Variants in SEMA3D observed in about 807,000 individuals in gnomAD.
SEMA3D encodes semaphorin-3D.
In SEMA3D, 84 loss-of-function variants were observed where a neutral mutation model predicts 100.1. The observed-to-expected ratio is 0.84, with a 90% CI of 0.70 to 1.01. The LOEUF is 1.01. Ranked by LOEUF, SEMA3D falls within the 50% of genes least tolerant of loss-of-function variation. The pLI is 0.00. For missense variants in SEMA3D, 875 were observed against 934.1 expected, an observed-to-expected ratio of 0.94 and a Z score of 0.82; for synonymous variants, 312 against 320.7, an observed-to-expected ratio of 0.97 and a Z score of 0.29.
intron 2 of SEMA3D, among the ~76,000 whole-genome samples, chr7:85,148,750 G>C (rs545014242): frequency 2.8e-4 from 42 of 151,908 alleles, no homozygotes; most frequent in African/African-American, 9.9e-4. Flanking sequence ...TAAATCAGTC[G>C]CGGTAACATC....
intron 4 of SEMA3D, among the ~76,000 whole-genome samples, chr7:85,082,758 C>T (rs1429023287): frequency 1.3e-5 from 2 of 152,094 alleles, no homozygotes. Context: ...GTATAGCATT[C>T]AAAATAGACA....
chr7:85,046,302 A>C (rs1401056027), intron 9 of SEMA3D, among the ~76,000 whole-genome samples: 1 of 151,966 alleles, frequency 6.6e-6, no homozygotes, highest in Non-Finnish European at 1.5e-5. Flanking sequence ...CTGATATTTA[A>C]GGTAACCATG....
intron 2 of SEMA3D, among the ~76,000 whole-genome samples, chr7:85,152,622 AAT>A (rs1413283204): frequency 6.6e-6 from 1 of 152,174 alleles, no homozygotes; most frequent in Non-Finnish European, 1.5e-5. Context: ...AACTAAAAAT[AAT>A]AGAGCATTGC....
At chr7:85,237,222 C>A in the SEMA3D span, among the ~76,000 whole-genome samples, 1 of 152,282 alleles carries the variant, frequency 6.6e-6, no homozygotes, top group South Asian at 2.1e-4. Context: ...ACACCACAAC[C>A]TTCCTCACTA....
chr7:85,069,420 T>C (rs1172128865), intron 6 of SEMA3D, among the ~76,000 whole-genome samples: 1 of 152,146 alleles, frequency 6.6e-6, no homozygotes, highest in East Asian at 1.9e-4. Context: ...CAAATAATAA[T>C]GGTACCTTTA....
intron 3 of SEMA3D, among the ~76,000 whole-genome samples, chr7:85,108,952 T>G (rs911504480): frequency 7.3e-5 from 11 of 151,656 alleles, no homozygotes; most frequent in African/African-American, 2.7e-4. Flanking sequence ...AAAAAAAAGG[T>G]GTCAAGATGA....
intron 5 of SEMA3D, among the ~76,000 whole-genome samples, chr7:85,080,174 T>C (rs1051359779): frequency 2.6e-5 from 4 of 152,216 alleles, no homozygotes; most frequent in South Asian, 2.1e-4. Context: ...ATTTCAACTA[T>C]TTTGCTTTGT....
intron 9 of SEMA3D, among the ~76,000 whole-genome samples, chr7:85,044,533 C>T (rs1790953935): frequency 6.6e-6 from 1 of 152,034 alleles, no homozygotes; most frequent in African/African-American, 2.4e-5. Flanking sequence ...TAGAATATTT[C>T]ATGTAAGAAC....
chr7:85,020,982 G>A (rs888131266), intron 13 of SEMA3D, among the ~76,000 whole-genome samples: 2 of 151,116 alleles, frequency 1.3e-5, no homozygotes, highest in Non-Finnish European at 3.0e-5. Context: ...ATCTTACATT[G>A]AAATTAAATG....
At chr7:85,103,231 G>A (rs1373971331) in intron 3 of SEMA3D, among the ~76,000 whole-genome samples, 1 of 151,956 alleles carries the variant, frequency 6.6e-6, no homozygotes, top group East Asian at 1.9e-4. Flanking sequence ...TTTAGAGCCT[G>A]TATCTTAACA....
intron 3 of SEMA3D, among the ~76,000 whole-genome samples, chr7:85,103,897 C>A (rs754740191): frequency 2.8e-4 from 42 of 151,924 alleles, no homozygotes; most frequent in Non-Finnish European, 4.9e-4. Context: ...TACCAGTAAA[C>A]CACCATGGGA....
chr7:85,173,470 A>G (rs1196587965), intron 1 of SEMA3D, among the ~76,000 whole-genome samples: 1 of 152,060 alleles, frequency 6.6e-6, no homozygotes, highest in Non-Finnish European at 1.5e-5. Flanking sequence ...CCGTGCCAAA[A>G]CAGATGGGAT....
At chr7:85,114,192 A>T (rs1203323200) in intron 3 of SEMA3D, among the ~76,000 whole-genome samples, 1 of 152,172 alleles carries the variant, frequency 6.6e-6, no homozygotes, top group Non-Finnish European at 1.5e-5. Flanking sequence ...CCCCACCATA[A>T]CACAAAATTA....
intron 1 of SEMA3D, among the ~76,000 whole-genome samples, chr7:85,182,299 C>T (rs892531677): frequency 6.6e-6 from 1 of 152,110 alleles, no homozygotes; most frequent in Non-Finnish European, 1.5e-5. Context: ...CAGTCTCTCA[C>T]AATTTTTTAT....
At chr7:85,173,562 A>T (rs559081201) in intron 1 of SEMA3D, among the ~76,000 whole-genome samples, 1 of 152,260 alleles carries the variant, frequency 6.6e-6, no homozygotes, top group Admixed American at 6.5e-5. Flanking sequence ...AATGAAATGG[A>T]TGAAACTCAG....
chr7:85,081,470 T>C (rs928569300), intron 5 of SEMA3D, 47 bp downstream of exon 5: 2 of 1,217,180 alleles, frequency 1.6e-6, no homozygotes, highest in African/African-American at 1.5e-5. Flanking sequence ...TTTGCTATCA[T>C]ATCAGTAGAA....
At position 85,036,990 on chromosome 7, in the gene SEMA3D, C is replaced by T; in HGVS notation, c.1090G>A (p.Asp364Asn). ...GGACCATTAAAAACTGCTCTGATGT[C>T]AGCCATGCTATACACACAAACAGCA... Reference protein sequence around the residue: ...GSAVCVYSMADIRAVFNGPYA... With the variant: ...GSAVCVYSMANIRAVFNGPYA... The change falls in exon 12 of 19, where the codon GAC becomes AAC. Residue 364 changes from aspartate (D) to asparagine (N), a missense_variant. Transcript: ENST00000284136. 1.2e-6 allele frequency: 2 copies of T among 1,613,284 alleles called. No homozygotes were observed. Among genetic ancestry groups the T allele is most frequent in the South Asian group, 1.1e-5 (1 of 91,040 alleles).
chr7:85,073,014 G>A lies in SEMA3D; in HGVS notation c.443C>T (p.Thr148Ile). ...CCCACATATTGGATGAAATGCTCCA[G>A]TTCCACACACATATATGTGAGTTTT... ...YNKTHIYVCG[T>I]GAFHPICGYI... The change falls in exon 6 of 19, where the codon ACT becomes ATT. Residue 148 changes from threonine to isoleucine, a missense_variant. By Grantham distance (89) the Thr-to-Ile change is moderately conservative. Coordinates refer to ENST00000284136, the MANE Select transcript of SEMA3D (RefSeq NM_001384900.1). 1.2e-6 allele frequency: 2 copies of A among 1,610,696 alleles called. No homozygotes were observed. The highest frequency in any genetic ancestry group is 1.7e-6 in the Non-Finnish European group (2 of 1,177,246).
intron 1 of SEMA3D, among the ~76,000 whole-genome samples, chr7:85,183,086 G>A (rs1791446393): frequency 6.6e-6 from 1 of 152,114 alleles, no homozygotes; most frequent in Non-Finnish European, 1.5e-5. Flanking sequence ...CATTAAACTA[G>A]CACCAGTCAG....
Sources: allele counts gnomAD v4.1 joint callset (sites outside exome capture counted in the v4.1 genomes callset), GRCh38; gene constraint gnomAD v4.1.1; transcripts MANE v1.5; gene names NCBI Gene and HGNC (gene_info 2026-07-23, HGNC 2026-07-21).